C2CD2: variants seen among roughly 807,000 people sequenced by gnomAD.
C2CD2 encodes C2 domain-containing protein 2.
Under a neutral mutation model 74.3 loss-of-function variants are expected in C2CD2, and 43 were observed. The ratio of observed to expected loss-of-function variants is 0.58; its 90% CI spans 0.45 to 0.75. C2CD2 has a LOEUF of 0.75. Ranked by LOEUF, C2CD2 falls within the 30% of genes least tolerant of loss-of-function variation. The probability of loss-of-function intolerance (pLI) is 0.00; values close to 1 mark genes in which losing one functional copy is unlikely to be tolerated. For synonymous variants in C2CD2, 422 were observed against 390.7 expected (o/e 1.08, Z -0.94); for missense variants, 801 against 916.3 (o/e 0.87, Z 1.63).
intron 2 of C2CD2, among the ~76,000 whole-genome samples, chr21:41,934,638 G>T (rs925503186): frequency 2.0e-5 from 3 of 152,156 alleles, no homozygotes; most frequent in African/African-American, 7.2e-5. Flanking sequence ...AATAACAACA[G>T]AGGTAGGAGA....
At chr21:41,919,730 T>C (rs1387589565) in intron 3 of C2CD2, among the ~76,000 whole-genome samples, 3 of 152,062 alleles carry the variant, frequency 2.0e-5, no homozygotes, top group Non-Finnish European at 4.4e-5. Context: ...CTGGACTCCA[T>C]CTCTAAGGAT....
chr21:41,928,432 C>T (rs1422148792), intron 2 of C2CD2, among the ~76,000 whole-genome samples: 2 of 151,780 alleles, frequency 1.3e-5, no homozygotes, highest in African/African-American at 2.4e-5. Context: ...GGAACCTCCA[C>T]CACCCGCCCT....
At chr21:41,943,476 C>T (rs1601603543) in intron 1 of C2CD2, among the ~76,000 whole-genome samples, 1 of 152,206 alleles carries the variant, frequency 6.6e-6, no homozygotes, top group Non-Finnish European at 1.5e-5. Flanking sequence ...CAGATCGAAA[C>T]TCTCCTAGAA....
chr21:41,926,585 G>A lies in C2CD2; in HGVS notation c.379-4500C>T, dbSNP rs193253532. 2,497 of 972,286 alleles carry A rather than the reference G, an allele frequency of 2.6e-3. 4 individuals are homozygous for A. Among genetic ancestry groups the A allele is most frequent in the Non-Finnish European group, 2.9e-3 (2,376 of 818,056 alleles). 60.2% of individuals were successfully genotyped at this position (972,286 alleles called of 1,614,324 possible). A position where few individuals can be genotyped will look rare whatever the true frequency, so the allele number is the denominator to read the frequency against. On this transcript the variant is annotated intron_variant, in intron 2 of 13. Transcript: ENST00000380486. This position sits in a 1 kb window ranked among gnomAD's most constrained non-coding sequence, Gnocchi z 8.0. ...GTAGTCACATACCTATGCAAACAGC[G>A]CTTATCTGGAAACTATTCCTTTGTT...
chr21:41,937,761 G>T (rs896440197), intron 2 of C2CD2, among the ~76,000 whole-genome samples: 1 of 152,170 alleles, frequency 6.6e-6, no homozygotes, highest in Non-Finnish European at 1.5e-5. Context: ...ATACACAATG[G>T]AATATTAGCC....
In C2CD2 at chr21:41,903,233, A is replaced by G. The variant is rs1463326852; in HGVS notation, c.1433-1484T>C. ...TGTGTGATAATAAACTGGTAAACCC[A>G]AGTAAAGTGTTTCTCTGAGTTCTGT... On this transcript the variant is annotated intron_variant, in intron 11 of 13. Coordinates refer to ENST00000380486, the MANE Select transcript of C2CD2 (RefSeq NM_015500.2). The surrounding 1 kb of genome is among the most constrained non-coding windows in gnomAD (Gnocchi z 4.5). Among the ~76,000 whole-genome samples the G allele has an allele frequency of 6.6e-6, 1 of 152,180 alleles. No homozygotes were observed. The highest frequency in any genetic ancestry group is 1.5e-5 in the Non-Finnish European group (1 of 68,016).
Position 41,901,756 on chromosome 21 carries a change from G to A in C2CD2, c.1433-7C>T. ...CCATTCAACACCAACAATTCTACCA[G>A]AAGGAAGGCAGTGTTAAGTTCATCA... On this transcript the variant is annotated splice_polypyrimidine_tract_variant and splice_region_variant and intron_variant, in intron 11 of 13. Coordinates refer to ENST00000380486, the MANE Select transcript of C2CD2 (RefSeq NM_015500.2). 2 of 1,613,668 alleles carry A rather than the reference G, an allele frequency of 1.2e-6. No homozygotes were observed. The highest frequency in any genetic ancestry group is 1.7e-6 in the Non-Finnish European group (2 of 1,179,510).
intron 7 of C2CD2, among the ~76,000 whole-genome samples, chr21:41,911,266 T>G (rs1010523615): frequency 6.6e-6 from 1 of 152,192 alleles, no homozygotes; most frequent in African/African-American, 2.4e-5. Flanking sequence ...CATCCTTACA[T>G]TCCTGGTATG....
Position 41,887,546 on chromosome 21 carries a change from A to G in C2CD2, c.*1578T>C, listed in dbSNP as rs998760249. The G allele has an allele frequency of 4.6e-5, 7 of 152,066 alleles. No individual in the cohort carries two copies. The highest frequency in any genetic ancestry group is 1.7e-4 in the African/African-American group (7 of 41,444). The allele number at this position is 152,066 out of a possible 1,614,324, so 9.4% of individuals were successfully genotyped here. A position where few individuals can be genotyped will look rare whatever the true frequency, so the allele number is the denominator to read the frequency against. ...TGGTTTTCATATAGGTTTTTACTAA[A>G]AAAGAAAAAATCCTATAATTTTGGT... On this transcript the variant is annotated 3_prime_UTR_variant, in exon 14 of 14. Coordinates refer to ENST00000380486, the MANE Select transcript of C2CD2 (RefSeq NM_015500.2).
chr21:41,893,720 G>GCA (rs2064785994), intron 13 of C2CD2, among the ~76,000 whole-genome samples: 2 of 31,116 alleles, frequency 6.4e-5, no homozygotes, highest in African/African-American at 2.9e-4. Flanking sequence ...TTTTTTTTTT[G>GCA]AGACGGAGTC....
At chr21:41,898,095 C>A (rs1311263530) in intron 13 of C2CD2, among the ~76,000 whole-genome samples, 1 of 152,220 alleles carries the variant, frequency 6.6e-6, no homozygotes, top group Non-Finnish European at 1.5e-5. Context: ...AAAGCTCCCC[C>A]AAGGAGCCCC....
At chr21:41,943,077 G>A in intron 1 of C2CD2, 2 of 279,760 alleles carry the variant, frequency 7.1e-6, no homozygotes, top group Non-Finnish European at 1.1e-5. Flanking sequence ...AAGGTGGAAG[G>A]ATTGCTCAAG....
At chr21:41,950,471 G>A (rs953530037) in intron 1 of C2CD2, among the ~76,000 whole-genome samples, 1 of 152,260 alleles carries the variant, frequency 6.6e-6, no homozygotes, top group Non-Finnish European at 1.5e-5. Flanking sequence ...AGTCAGTGCT[G>A]CTGCAGTGGT....
At chr21:41,901,278 C>A in intron 12 of C2CD2, 1 of 347,562 alleles carries the variant, frequency 2.9e-6, no homozygotes, top group South Asian at 3.1e-5. Context: ...AGTGAAAGTT[C>A]CCCGTGACTG....
rs1474761666 is a variant in C2CD2 at position 41,929,804 on chromosome 21, G to C, written c.379-7719C>G. 6.6e-6 allele frequency among the ~76,000 whole-genome samples: 1 copy of C among 152,232 alleles called. No individual in the cohort carries two copies. Among genetic ancestry groups the C allele is most frequent in the Non-Finnish European group, 1.5e-5 (1 of 68,044 alleles). ...AATGAAAGTTACGTTGAAAGCCACA[G>C]TTACCATACTGTAACCAGAATTCAG... is the stretch of plus-strand genomic sequence containing the variant. On this transcript the variant is annotated intron_variant, in intron 2 of 13. Transcript: ENST00000380486. This position sits in a 1 kb window ranked among gnomAD's most constrained non-coding sequence, Gnocchi z 4.6.
chr21:41,930,526 C>T (rs1248705309), intron 2 of C2CD2, among the ~76,000 whole-genome samples: 1 of 149,368 alleles, frequency 6.7e-6, no homozygotes. Flanking sequence ...CATGGTGAAA[C>T]TCCATCTCTA....
In C2CD2 at chr21:41,885,523, C is replaced by T. The variant is rs1433798638; in HGVS notation, c.*3601G>A. ...TCTGCAGGATTCCGCGGGGGCCTTG[C>T]CCTGTGCAGGCTGCTTTGGTCTTCG... On this transcript the variant is annotated 3_prime_UTR_variant, in exon 14 of 14. Transcript: ENST00000380486. The T allele has an allele frequency of 6.5e-6, 1 of 152,788 alleles. No homozygotes were observed. Among genetic ancestry groups the T allele is most frequent in the Non-Finnish European group, 1.5e-5 (1 of 68,074 alleles). 9.5% of individuals were successfully genotyped at this position (152,788 alleles called of 1,614,324 possible).
Position 41,926,463 on chromosome 21 carries a change from A to AG in C2CD2, c.379-4379dup. 2 of 925,658 alleles carry AG rather than the reference A, an allele frequency of 2.2e-6. No homozygotes were observed. Among genetic ancestry groups the AG allele is most frequent in the Non-Finnish European group, 2.6e-6 (2 of 775,904 alleles). The allele number at this position is 925,658 out of a possible 1,614,324, so 57.3% of individuals were successfully genotyped here. A position where few individuals can be genotyped will look rare whatever the true frequency, so the allele number is the denominator to read the frequency against. On this transcript the variant is annotated intron_variant, in intron 2 of 13. Coordinates refer to ENST00000380486, the MANE Select transcript of C2CD2 (RefSeq NM_015500.2). The surrounding 1 kb of genome is among the most constrained non-coding windows in gnomAD (Gnocchi z 8.0). ...GGCAGCAGATGGAAGCACCACGGGG[A>AG]GGGGAAAACAAGACTGAAGGCTGAA...
chr21:41,909,341 T>C (rs575855883), intron 8 of C2CD2, 118 bp downstream of exon 8: 1 of 657,704 alleles, frequency 1.5e-6, no homozygotes, highest in African/African-American at 1.8e-5. Context: ...ACCAAAGTCA[T>C]TTAGAGGAGG....
Sources: gnomAD v4.1 joint callset for allele counts (sites outside exome capture counted in the v4.1 genomes callset) on GRCh38, gnomAD v4.1.1 for gene constraint, Gnocchi (gnomAD v3.1) non-coding constraint, MANE v1.5 for transcripts, NCBI Gene and HGNC (gene_info 2026-07-23, HGNC 2026-07-21) for gene names.